Variants in GNA14 observed in about 807,000 individuals in gnomAD.
GNA14 encodes guanine nucleotide-binding protein subunit alpha-14.
Under a neutral mutation model 42.0 loss-of-function variants are expected in GNA14, and 50 were observed. That is an observed-to-expected ratio of 1.19 (90% CI 0.95 to 1.51). The LOEUF is 1.51. Among genes scored for constraint, GNA14 ranks in the 40% most tolerant of loss-of-function variants. The pLI, the probability that GNA14 is intolerant of heterozygous loss-of-function variation, is 0.00. For synonymous variants in GNA14, 173 were observed against 163.1 expected, an observed-to-expected ratio of 1.06 and a Z score of -0.46; for missense variants, 473 against 446.2, an observed-to-expected ratio of 1.06 and a Z score of -0.54.
chr9:77,551,824 T>G (rs1837790480), intron 1 of GNA14, among the ~76,000 whole-genome samples: 1 of 152,118 alleles, frequency 6.6e-6, no homozygotes. Context: ...AGAAGGCCAG[T>G]ATTTGCAAAT....
chr9:77,620,808 A>AC, intron 1 of GNA14, among the ~76,000 whole-genome samples: 1 of 136,830 alleles, frequency 7.3e-6, no homozygotes, highest in East Asian at 2.2e-4. Flanking sequence ...AGATCACACC[A>AC]CTGCACTCCA....
intron 1 of GNA14, among the ~76,000 whole-genome samples, chr9:77,645,745 C>T (rs1321691828): frequency 6.6e-6 from 1 of 152,154 alleles, no homozygotes; most frequent in African/African-American, 2.4e-5. Context: ...CAATACAGTA[C>T]AGCTCAGCTG....
At chr9:77,611,612 G>A (rs893071929) in intron 1 of GNA14, among the ~76,000 whole-genome samples, 2 of 152,212 alleles carry the variant, frequency 1.3e-5, no homozygotes, top group Admixed American at 6.5e-5. Context: ...GTGGAAAGCA[G>A]AGAGTTCAGA....
At chr9:77,507,041 G>C (rs781170989) in intron 2 of GNA14, among the ~76,000 whole-genome samples, 2 of 152,146 alleles carry the variant, frequency 1.3e-5, no homozygotes, top group Non-Finnish European at 2.9e-5. Flanking sequence ...AAAGAACATA[G>C]CAGATTTTAT....
chr9:77,637,577 C>A (rs1824202387), intron 1 of GNA14, among the ~76,000 whole-genome samples: 1 of 152,182 alleles, frequency 6.6e-6, no homozygotes, highest in African/African-American at 2.4e-5. Flanking sequence ...AGTTGTTGAG[C>A]TGGGTGCAGT....
At chr9:77,514,770 C>G (rs1385903284) in intron 2 of GNA14, among the ~76,000 whole-genome samples, 2 of 151,996 alleles carry the variant, frequency 1.3e-5, no homozygotes, top group Admixed American at 6.6e-5. Context: ...TCTGCCACCA[C>G]GCCCGGCTAA....
chr9:77,595,421 C>T (rs1823449303), intron 1 of GNA14, among the ~76,000 whole-genome samples: 1 of 151,964 alleles, frequency 6.6e-6, no homozygotes, highest in Non-Finnish European at 1.5e-5. Flanking sequence ...CTGAGAACCA[C>T]CATTTATTGA....
At chr9:77,485,169 A>G (rs1361399804) in intron 2 of GNA14, among the ~76,000 whole-genome samples, 1 of 152,198 alleles carries the variant, frequency 6.6e-6, no homozygotes, top group African/African-American at 2.4e-5. Flanking sequence ...AAATCCTGCC[A>G]CTATTTTATC....
intron 2 of GNA14, among the ~76,000 whole-genome samples, chr9:77,442,543 T>C (rs770478587): frequency 2.0e-5 from 3 of 152,106 alleles, no homozygotes; most frequent in Non-Finnish European, 4.4e-5. Context: ...TTTTCCAACA[T>C]CACAGGGCCA....
intron 2 of GNA14, among the ~76,000 whole-genome samples, chr9:77,497,441 T>A (rs751738034): frequency 6.6e-6 from 1 of 152,164 alleles, no homozygotes; most frequent in Non-Finnish European, 1.5e-5. Flanking sequence ...CATGGACACC[T>A]TTGATTTACC....
chr9:77,612,917 C>T (rs1022277812), intron 1 of GNA14, among the ~76,000 whole-genome samples: 1 of 152,146 alleles, frequency 6.6e-6, no homozygotes, highest in Non-Finnish European at 1.5e-5. Flanking sequence ...CTGCACTCCA[C>T]GTATAATGCT....
intron 2 of GNA14, among the ~76,000 whole-genome samples, chr9:77,478,979 C>T (rs1836490120): frequency 6.6e-6 from 1 of 152,054 alleles, no homozygotes. Flanking sequence ...CTGTAGGTTG[C>T]CTGTTCACTC....
chr9:77,451,776 T>A (rs1002915597), intron 2 of GNA14, among the ~76,000 whole-genome samples: 4 of 152,206 alleles, frequency 2.6e-5, no homozygotes, highest in Non-Finnish European at 5.9e-5. Flanking sequence ...AGATTCTTTG[T>A]TGTAATCAGG....
intron 1 of GNA14, among the ~76,000 whole-genome samples, chr9:77,614,407 T>G (rs557483030): frequency 5.9e-5 from 9 of 152,296 alleles, no homozygotes; most frequent in Middle Eastern, 6.8e-3. Context: ...TATCTGACAG[T>G]ACCCCATTTT....
chr9:77,520,398 G>A (rs186690302), intron 2 of GNA14, among the ~76,000 whole-genome samples: 25 of 152,306 alleles, frequency 1.6e-4, no homozygotes, highest in Admixed American at 4.6e-4. Context: ...GAGAACTGGG[G>A]CACAGCTCTG....
At chr9:77,452,412 G>C (rs887847114) in intron 2 of GNA14, among the ~76,000 whole-genome samples, 4 of 152,014 alleles carry the variant, frequency 2.6e-5, no homozygotes, top group Admixed American at 6.6e-5. Flanking sequence ...GCATTTTCCA[G>C]AGTGGTACAT....
chr9:77,477,799 A>G (rs563756022), intron 2 of GNA14, among the ~76,000 whole-genome samples: 38 of 152,324 alleles, frequency 2.5e-4, no homozygotes, highest in Non-Finnish European at 4.9e-4. Flanking sequence ...ACAAGAACAG[A>G]GTCCCATAAA....
At chr9:77,462,689 C>T (rs1010808437) in intron 2 of GNA14, among the ~76,000 whole-genome samples, 1 of 129,710 alleles carries the variant, frequency 7.7e-6, no homozygotes, top group Admixed American at 1.0e-4. Flanking sequence ...CCACTGCACT[C>T]CAGCCTGGGT....
intron 2 of GNA14, among the ~76,000 whole-genome samples, chr9:77,462,026 G>A (rs893266018): frequency 6.6e-6 from 1 of 152,124 alleles, no homozygotes; most frequent in Non-Finnish European, 1.5e-5. Context: ...TAAATCACAT[G>A]GTTGCTACTG....
Sources: allele counts gnomAD v4.1 joint callset (sites outside exome capture counted in the v4.1 genomes callset), GRCh38; gene constraint gnomAD v4.1.1; transcripts MANE v1.5; gene names NCBI Gene and HGNC (gene_info 2026-07-23, HGNC 2026-07-21).